TBC1D14: variants seen among roughly 807,000 people sequenced by gnomAD.
TBC1D14 encodes the protein TBC1 domain family, member 14.
A neutral mutation model predicts 79.0 loss-of-function variants in TBC1D14; 26 were observed. That is an observed-to-expected ratio of 0.33 (90% CI 0.24 to 0.46). The LOEUF (loss-of-function observed/expected upper bound fraction) is 0.46. TBC1D14 is among the 20% of genes least tolerant of loss of function. The probability of loss-of-function intolerance (pLI) is 1.00; values close to 1 mark genes in which losing one functional copy is unlikely to be tolerated. For synonymous variants in TBC1D14, 394 were observed against 349.9 expected (o/e 1.13, Z -1.40); for missense variants, 769 against 887.6 (o/e 0.87, Z 1.70).
intron 3 of TBC1D14, among the ~76,000 whole-genome samples, chr4:6,988,829 T>C (rs1054767531): frequency 6.6e-6 from 1 of 152,034 alleles, no homozygotes; most frequent in Non-Finnish European, 1.5e-5. Context: ...GTAGCATTGA[T>C]GACCTTTCTT....
At chr4:6,941,234 G>T (rs976753863) in intron 2 of TBC1D14, among the ~76,000 whole-genome samples, 1 of 141,818 alleles carries the variant, frequency 7.1e-6, no homozygotes, top group African/African-American at 2.7e-5. Context: ...GGCCCAGGCT[G>T]GAGTGCAATG....
In TBC1D14 at chr4:6,923,421, A is replaced by G. The variant is rs1042445888; in HGVS notation, c.32A>G (p.Asn11Ser). 6.8e-6 allele frequency: 11 copies of G among 1,612,494 alleles called. No individual in the cohort carries two copies. Among genetic ancestry groups the G allele is most frequent in the South Asian group, 1.1e-5 (1 of 91,034 alleles). MTDGKLSTST[N>S]GVAFMGILDG... ...GATGGAAAACTCTCCACCTCTACAA[A>G]TGGCGTAGCCTTCATGGGTATTCTG... Residue 11 changes from asparagine to serine, a missense_variant, in exon 2 of 14, where the codon AAT becomes AGT. Transcript: ENST00000409757.
chr4:6,966,518 G>GT (rs1715710663), intron 2 of TBC1D14, among the ~76,000 whole-genome samples: 1 of 152,168 alleles, frequency 6.6e-6, no homozygotes, highest in Admixed American at 6.5e-5. Flanking sequence ...TAAGCTAGGG[G>GT]TTACGTACTA....
At chr4:6,937,955 G>T (rs1172374331) in intron 2 of TBC1D14, among the ~76,000 whole-genome samples, 1 of 152,152 alleles carries the variant, frequency 6.6e-6, no homozygotes, top group African/African-American at 2.4e-5. Context: ...CGGGGCCGTT[G>T]CATTGCTGAT....
At chr4:6,913,823 A>G (rs967944237) in intron 1 of TBC1D14, among the ~76,000 whole-genome samples, 5 of 152,160 alleles carry the variant, frequency 3.3e-5, no homozygotes, top group African/African-American at 1.2e-4. Context: ...TTTTGCATTG[A>G]AAGTCTTTAA....
rs1326251117 is a variant in TBC1D14 at position 7,032,473 on chromosome 4, T to C, written c.*2081T>C. The C allele has an allele frequency of 6.6e-6, 1 of 152,612 alleles. No individual in the cohort carries two copies. Among genetic ancestry groups the C allele is most frequent in the East Asian group, 1.9e-4 (1 of 5,206 alleles). 9.5% of individuals were successfully genotyped at this position (152,612 alleles called of 1,614,324 possible). A position where few individuals can be genotyped will look rare whatever the true frequency, so the allele number is the denominator to read the frequency against. ...GCCCTGCGTGTTCCTGGTGAAGCAG[T>C]TTCACATCAGTCTCTCCAGATAGCA... is the stretch of plus-strand genomic sequence containing the variant. On this transcript the variant is annotated 3_prime_UTR_variant, in exon 14 of 14. Transcript: ENST00000409757.
intron 2 of TBC1D14, among the ~76,000 whole-genome samples, chr4:6,961,783 C>G (rs990361696): frequency 2.0e-5 from 3 of 152,074 alleles, no homozygotes; most frequent in African/African-American, 7.2e-5. Context: ...AGGGGCAAGG[C>G]AGGCACACCT....
In TBC1D14 at chr4:6,968,675, GGAGGAGGCTGACCGCCGA is replaced by G. The variant is rs895909532; in HGVS notation, c.843+1264_843+1281del. ...GCTGAGCCCAGGAGGCTGACCGCCG[GGAGGAGGCTGACCGCCGA>G]GAGGAGGCTGACTGCCGGGAGGAGG... On this transcript the variant is annotated intron_variant, in intron 3 of 13. Coordinates refer to ENST00000409757, the MANE Select transcript of TBC1D14 (RefSeq NM_020773.3). Among the ~76,000 whole-genome samples, 95 of 152,284 alleles carry G rather than the reference GGAGGAGGCTGACCGCCGA, an allele frequency of 6.2e-4. 3 individuals are homozygous for G. The East Asian group carries it at 0.013, about 21-fold the overall frequency.
intron 2 of TBC1D14, among the ~76,000 whole-genome samples, chr4:6,944,028 C>G (rs908250165): frequency 1.5e-4 from 23 of 151,878 alleles, no homozygotes; most frequent in Admixed American, 3.3e-4. Flanking sequence ...CGCGTTCTGC[C>G]GGGGGTTTGG....
At chr4:6,984,666 C>T (rs1717661077) in intron 3 of TBC1D14, among the ~76,000 whole-genome samples, 1 of 152,146 alleles carries the variant, frequency 6.6e-6, no homozygotes, top group South Asian at 2.1e-4. Flanking sequence ...TCATGTCTGC[C>T]CTCCCAGGCC....
intron 11 of TBC1D14, among the ~76,000 whole-genome samples, chr4:7,012,691 A>G (rs941668756): frequency 1.3e-5 from 2 of 152,270 alleles, no homozygotes; most frequent in Admixed American, 6.5e-5. Flanking sequence ...GTATTTAACA[A>G]TAAAAGGAAA....
chr4:7,028,505 C>A (rs1722700783), intron 13 of TBC1D14, among the ~76,000 whole-genome samples: 1 of 151,790 alleles, frequency 6.6e-6, no homozygotes, highest in South Asian at 2.1e-4. Context: ...TGGCTCACTG[C>A]AACCTCTGCC....
At chr4:6,916,336 G>A (rs957177248) in intron 1 of TBC1D14, among the ~76,000 whole-genome samples, 3 of 150,698 alleles carry the variant, frequency 2.0e-5, no homozygotes, top group South Asian at 2.1e-4. Flanking sequence ...CCAGCCCTGC[G>A]AAGAGGCTTC....
Position 6,955,930 on chromosome 4 carries a change from C to T in TBC1D14, c.723-11374C>T, listed in dbSNP as rs78678688. On this transcript the variant is annotated intron_variant, in intron 2 of 13. Coordinates refer to ENST00000409757, the MANE Select transcript of TBC1D14 (RefSeq NM_020773.3). ...GAGTCTGGGCCCATCTCCCCAGCCT[C>T]CTACCTTCCTCTTGGTTAAGTGCAA... 3.1e-3 allele frequency among the ~76,000 whole-genome samples: 475 copies of T among 152,250 alleles called. 1 individual carries two copies. The highest frequency in any genetic ancestry group is 0.011 in the African/African-American group (446 of 41,542).
At chr4:6,944,632 T>C (rs1577067622) in intron 2 of TBC1D14, among the ~76,000 whole-genome samples, 1 of 152,154 alleles carries the variant, frequency 6.6e-6, no homozygotes, top group South Asian at 2.1e-4. Flanking sequence ...TGATGGGCGG[T>C]TGGAATTCAC....
chr4:6,919,879 A>G (rs921078579), intron 1 of TBC1D14, among the ~76,000 whole-genome samples: 3 of 152,136 alleles, frequency 2.0e-5, no homozygotes, highest in Non-Finnish European at 4.4e-5. Context: ...TTGGCCTCCC[A>G]AAGTACTGGG....
intron 2 of TBC1D14, among the ~76,000 whole-genome samples, chr4:6,926,877 C>T (rs1351675915): frequency 6.6e-6 from 1 of 152,204 alleles, no homozygotes; most frequent in Non-Finnish European, 1.5e-5. Context: ...TCTGGGGTTC[C>T]CAGCCCTGGC....
At chr4:7,027,324 A>G (rs1174174677) in intron 13 of TBC1D14, among the ~76,000 whole-genome samples, 2 of 133,100 alleles carry the variant, frequency 1.5e-5, no homozygotes, top group Non-Finnish European at 3.2e-5. Flanking sequence ...CTATACGTAC[A>G]CAATCACCCC....
intron 13 of TBC1D14, among the ~76,000 whole-genome samples, chr4:7,026,433 G>C (rs1722381423): frequency 6.6e-6 from 1 of 152,176 alleles, no homozygotes; most frequent in African/African-American, 2.4e-5. Context: ...CAGATATCCA[G>C]TTTTCAAATT....
Sources: allele counts gnomAD v4.1 joint callset (sites outside exome capture counted in the v4.1 genomes callset), GRCh38; gene constraint gnomAD v4.1.1; transcripts MANE v1.5; gene names NCBI Gene and HGNC (gene_info 2026-07-23, HGNC 2026-07-21).